CELF2: variants seen among roughly 807,000 people sequenced by gnomAD.
The protein encoded by CELF2 is CUGBP Elav-like family member 2.
In CELF2, 8 loss-of-function variants were observed where a neutral mutation model predicts 62.6. The observed-to-expected ratio is 0.13, with a 90% CI of 0.07 to 0.23. CELF2 has a LOEUF of 0.23. Ranked by LOEUF, CELF2 falls within the 10% of genes least tolerant of loss-of-function variation. CELF2 has a pLI of 1.00. For missense variants in CELF2, 333 were observed against 671.0 expected, an observed-to-expected ratio of 0.50 and a Z score of 5.56; for synonymous variants, 258 against 250.0, an observed-to-expected ratio of 1.03 and a Z score of -0.30.
chr10:11,181,036 A>G (rs1380883635), intron 2 of CELF2, among the ~76,000 whole-genome samples: 1 of 152,066 alleles, frequency 6.6e-6, no homozygotes, highest in South Asian at 2.1e-4. Flanking sequence ...TGCCCTGCTA[A>G]TTTTTGTGTT....
At chr10:10,560,313 A>G in the CELF2 span, among the ~76,000 whole-genome samples, 1 of 152,230 alleles carries the variant, frequency 6.6e-6, no homozygotes, top group Non-Finnish European at 1.5e-5. Context: ...GTTGTTTGAA[A>G]TGTAGAATGT....
chr10:11,071,500 A>C (rs1455988722), intron 1 of CELF2: 1 of 152,210 alleles, frequency 6.6e-6, no homozygotes, highest in Non-Finnish European at 1.5e-5. Context: ...TTCGACACAA[A>C]GATAACATCG....
intron 1 of CELF2, among the ~76,000 whole-genome samples, chr10:11,094,221 C>T (rs1418883345): frequency 2.0e-5 from 3 of 152,176 alleles, no homozygotes; most frequent in South Asian, 2.1e-4. Flanking sequence ...ATTAACTTTA[C>T]GCTAAGTACA....
chr10:10,848,074 G>A (rs909244556), intron 1 of CELF2, among the ~76,000 whole-genome samples: 1 of 151,942 alleles, frequency 6.6e-6, no homozygotes, highest in Non-Finnish European at 1.5e-5. Context: ...TCAGATAACT[G>A]GAGATGACAA....
At position 10,990,494 on chromosome 10, in the gene CELF2, C is replaced by A. The variant is rs1015319188; in HGVS notation, c.89+70495C>A. Among the ~76,000 whole-genome samples the A allele has an allele frequency of 1.3e-5, 2 of 152,092 alleles. No individual in the cohort carries two copies. The highest frequency in any genetic ancestry group is 1.3e-4 in the Admixed American group (2 of 15,256). Reference sequence around the variant, plus strand: ...TTTTGTAATCATTAAAAACAATAAACGTTATTTTTAAGAGAATCATGTTCT... The same window carrying A: ...TTTTGTAATCATTAAAAACAATAAAAGTTATTTTTAAGAGAATCATGTTCT... On this transcript the variant is annotated intron_variant, in intron 2 of 13. Coordinates refer to the CELF2 transcript ENST00000636488. This position sits in a 1 kb window ranked among gnomAD's most constrained non-coding sequence, Gnocchi z 4.6.
chr10:10,568,954 C>A, the CELF2 span, among the ~76,000 whole-genome samples: 6 of 152,072 alleles, frequency 3.9e-5, no homozygotes, highest in African/African-American at 1.4e-4. Context: ...TAAATTTATG[C>A]TTTCAGGCCA....
chr10:11,038,889 A>T (rs1462281360), intron 1 of CELF2, among the ~76,000 whole-genome samples: 2 of 152,216 alleles, frequency 1.3e-5, no homozygotes, highest in African/African-American at 4.8e-5. Flanking sequence ...GGCATCAGTG[A>T]AACTTACTAA....
chr10:10,526,626 C>A, the CELF2 span, among the ~76,000 whole-genome samples: 1 of 152,340 alleles, frequency 6.6e-6, no homozygotes, highest in Non-Finnish European at 1.5e-5. Flanking sequence ...ATCTCAAAGT[C>A]CACCTCATGC....
intron 1 of CELF2, among the ~76,000 whole-genome samples, chr10:11,058,839 G>T (rs1352224307): frequency 6.6e-6 from 1 of 152,098 alleles, no homozygotes; most frequent in Non-Finnish European, 1.5e-5. Context: ...GGAGTGCAGT[G>T]GCACAATCAT....
At chr10:10,825,175 C>A (rs2057282166) in intron 1 of CELF2, among the ~76,000 whole-genome samples, 1 of 151,946 alleles carries the variant, frequency 6.6e-6, no homozygotes, top group South Asian at 2.1e-4. Context: ...GGGAAGGATA[C>A]CGATTTTTTT....
rs1565505101 is a variant in CELF2 at position 11,242,812 on chromosome 10, T to C, written c.355-6341T>C. 6.6e-6 allele frequency among the ~76,000 whole-genome samples: 1 copy of C among 151,342 alleles called. No individual in the cohort carries two copies. Among genetic ancestry groups the C allele is most frequent in the Non-Finnish European group, 1.5e-5 (1 of 67,804 alleles). On this transcript the variant is annotated intron_variant, in intron 3 of 12. Transcript: ENST00000633077. The surrounding 1 kb of genome is among the most constrained non-coding windows in gnomAD (Gnocchi z 4.8). The stretch of plus-strand genomic sequence containing the variant: ...TGTGTGTGTAGGGAGGGAGAAGAGG[T>C]GGGAGGACCATGGGCTGCTTATCCC...
intron 1 of CELF2, among the ~76,000 whole-genome samples, chr10:11,149,624 C>T (rs745987580): frequency 9.9e-5 from 15 of 152,218 alleles, no homozygotes; most frequent in Non-Finnish European, 1.9e-4. Flanking sequence ...GTTCCTCTTA[C>T]TGCTGCATCT....
At chr10:10,635,118 C>T in the CELF2 span, among the ~76,000 whole-genome samples, 1 of 152,172 alleles carries the variant, frequency 6.6e-6, no homozygotes, top group African/African-American at 2.4e-5. Flanking sequence ...CAGTGCTACC[C>T]TCACACTCAA....
the CELF2 span, among the ~76,000 whole-genome samples, chr10:10,556,329 A>G: frequency 6.6e-6 from 1 of 151,924 alleles, no homozygotes; most frequent in Non-Finnish European, 1.5e-5. Context: ...GATGATTTCC[A>G]ATTTCATCCA....
At chr10:10,597,120 A>G in the CELF2 span, among the ~76,000 whole-genome samples, 1 of 152,154 alleles carries the variant, frequency 6.6e-6, no homozygotes, top group African/African-American at 2.4e-5. Flanking sequence ...CATCCTCCCA[A>G]CCTCAAGCCA....
At chr10:10,639,741 CTGTTT>C in the CELF2 span, among the ~76,000 whole-genome samples, 1 of 151,830 alleles carries the variant, frequency 6.6e-6, no homozygotes, top group Non-Finnish European at 1.5e-5. Context: ...TAAAATAATT[CTGTTT>C]TATTTTGGCA....
At chr10:11,077,598 C>A (rs2072465766) in intron 1 of CELF2, among the ~76,000 whole-genome samples, 1 of 152,138 alleles carries the variant, frequency 6.6e-6, no homozygotes, top group African/African-American at 2.4e-5. Context: ...TAAAAAAATA[C>A]CTATTATTAC....
the CELF2 span, among the ~76,000 whole-genome samples, chr10:10,698,346 T>C: frequency 2.0e-5 from 3 of 152,280 alleles, no homozygotes; most frequent in African/African-American, 7.2e-5. Context: ...CTGACTTTGA[T>C]CTCCGCTTTG....
chr10:11,326,010 C>G (rs759247840), intron 12 of CELF2, 31 bp downstream of exon 12: 3 of 1,591,824 alleles, frequency 1.9e-6, no homozygotes, highest in Non-Finnish European at 2.6e-6. Context: ...TAGTATATTG[C>G]AGTAGGTTCC....
Sources: gnomAD v4.1 joint callset for allele counts (sites outside exome capture counted in the v4.1 genomes callset) on GRCh38, gnomAD v4.1.1 for gene constraint, Gnocchi (gnomAD v3.1) non-coding constraint, MANE v1.5 for transcripts, NCBI Gene and HGNC (gene_info 2026-07-23, HGNC 2026-07-21) for gene names.